TCF7L2: variants seen among roughly 807,000 people sequenced by gnomAD.
TCF7L2 encodes the protein transcription factor 7 like 2.
Under a neutral mutation model 77.9 loss-of-function variants are expected in TCF7L2, and 23 were observed. The ratio of observed to expected loss-of-function variants is 0.30; its 90% CI spans 0.21 to 0.42. TCF7L2 has a LOEUF of 0.42. TCF7L2 is among the 10% of genes least tolerant of loss of function. TCF7L2 has a pLI of 1.00. For missense variants in TCF7L2, 654 were observed against 793.1 expected (o/e 0.82, Z 2.11); for synonymous variants, 413 against 340.2 (o/e 1.21, Z -2.36).
chr10:113,014,527 G>A (rs1011094322), intron 4 of TCF7L2, among the ~76,000 whole-genome samples: 1 of 152,098 alleles, frequency 6.6e-6, no homozygotes, highest in Non-Finnish European at 1.5e-5. Flanking sequence ...GCGTGGTGGC[G>A]CATGCCTGTA....
intron 5 of TCF7L2, among the ~76,000 whole-genome samples, chr10:113,074,551 GGCACACTGCTGACGGCT>G (rs1412724315): frequency 6.6e-6 from 1 of 152,134 alleles, no homozygotes; most frequent in African/African-American, 2.4e-5. Context: ...GCGGGACCTT[GGCACACTGCTGACGGCT>G]GCACACTCAT....
At chr10:113,090,171 G>A (rs2060228691) in intron 5 of TCF7L2, among the ~76,000 whole-genome samples, 1 of 152,120 alleles carries the variant, frequency 6.6e-6, no homozygotes. Flanking sequence ...CAAATTAATA[G>A]TCCTGAAGAA....
intron 5 of TCF7L2, among the ~76,000 whole-genome samples, chr10:113,092,063 G>T (rs917196300): frequency 1.3e-5 from 2 of 152,186 alleles, no homozygotes; most frequent in African/African-American, 4.8e-5. Context: ...GTTGGCGGCA[G>T]GAGGTAGATA....
chr10:113,039,879 T>C (rs2134259009), intron 4 of TCF7L2, 146 bp from the exon 5 acceptor site: 1 of 672,546 alleles, frequency 1.5e-6, no homozygotes. Context: ...TGGAATTGCA[T>C]GCTTTTTTAT....
intron 4 of TCF7L2, among the ~76,000 whole-genome samples, chr10:112,997,807 A>T (rs1222447900): frequency 6.6e-6 from 1 of 152,108 alleles, no homozygotes; most frequent in Non-Finnish European, 1.5e-5. Flanking sequence ...ACCTAATTTC[A>T]TACTTTATGA....
At chr10:112,978,786 G>A (rs1177702795) in intron 4 of TCF7L2, among the ~76,000 whole-genome samples, 3 of 151,546 alleles carry the variant, frequency 2.0e-5, no homozygotes, top group African/African-American at 4.8e-5. Context: ...GCCAGATTTT[G>A]TGATTTTTAT....
At chr10:113,074,051 C>A (rs2058423613) in intron 5 of TCF7L2, among the ~76,000 whole-genome samples, 1 of 152,180 alleles carries the variant, frequency 6.6e-6, no homozygotes, top group Admixed American at 6.5e-5. Flanking sequence ...TAGCTGGTCA[C>A]CTCTGGGTGG....
intron 6 of TCF7L2, among the ~76,000 whole-genome samples, chr10:113,142,743 G>C (rs2068600496): frequency 6.6e-6 from 1 of 152,240 alleles, no homozygotes; most frequent in South Asian, 2.1e-4. Context: ...GTGAATGGCA[G>C]CGTCAACGTC....
At chr10:112,982,072 A>T (rs2040568565) in intron 4 of TCF7L2, among the ~76,000 whole-genome samples, 1 of 152,148 alleles carries the variant, frequency 6.6e-6, no homozygotes. Context: ...TGAACTTGTG[A>T]TCGATCTTCC....
intron 5 of TCF7L2, among the ~76,000 whole-genome samples, chr10:113,046,600 C>A (rs2053512778): frequency 2.0e-5 from 3 of 152,196 alleles, no homozygotes; most frequent in Non-Finnish European, 1.5e-5. Flanking sequence ...CAAGTCTTCT[C>A]TTCAAAATGA....
At chr10:112,952,322 T>C (rs1169315332) in intron 3 of TCF7L2, among the ~76,000 whole-genome samples, 1 of 152,110 alleles carries the variant, frequency 6.6e-6, no homozygotes, top group East Asian at 1.9e-4. Context: ...CACCGCAAAC[T>C]TGGGGGCTCT....
At chr10:112,997,282 G>C (rs916106003) in intron 4 of TCF7L2, among the ~76,000 whole-genome samples, 1 of 152,228 alleles carries the variant, frequency 6.6e-6, no homozygotes, top group Non-Finnish European at 1.5e-5. Context: ...AGGGACATCA[G>C]CATTTTAAAA....
At chr10:112,961,910 TGAGA>T (rs10593073) in intron 3 of TCF7L2, among the ~76,000 whole-genome samples, 1 of 148,384 alleles carries the variant, frequency 6.7e-6, no homozygotes, top group Non-Finnish European at 1.5e-5. Flanking sequence ...TGTGTGTGTG[TGAGA>T]GAGAGAGAGA....
At chr10:113,107,752 T>TAAAAAAAAAAAAAAAAAAAAAAAAA (rs398014821) in intron 5 of TCF7L2, among the ~76,000 whole-genome samples, 1 of 55,250 alleles carries the variant, frequency 1.8e-5, no homozygotes, top group Non-Finnish European at 3.4e-5. Context: ...AGACTCCGTC[T>TAAAAAAAAAAAAAAAAAAAAAAAAA]AAAAAAAAAA....
chr10:112,996,336 G>T (rs1218691250), intron 4 of TCF7L2, among the ~76,000 whole-genome samples: 2 of 152,180 alleles, frequency 1.3e-5, no homozygotes, highest in Admixed American at 6.5e-5. Flanking sequence ...TGCTGCTTTC[G>T]GTGATGCCCG....
chr10:113,150,523 G>A (rs1345327936), intron 8 of TCF7L2, among the ~76,000 whole-genome samples: 1 of 152,140 alleles, frequency 6.6e-6, no homozygotes, highest in Non-Finnish European at 1.5e-5. Flanking sequence ...GCCTAATGAG[G>A]CTTGCACAGC....
chr10:112,979,687 C>T (rs574270653), intron 4 of TCF7L2, among the ~76,000 whole-genome samples: 10 of 151,560 alleles, frequency 6.6e-5, no homozygotes, highest in Non-Finnish European at 1.2e-4. Flanking sequence ...AACTGGGAGG[C>T]GGAGGTTGCA....
chr10:113,157,610 G>A lies in TCF7L2; in HGVS notation c.1270-411G>A, dbSNP rs546601809. ...GCAGGGCAGCCCTTGAAGCTGGTGC[G>A]GCCATGACCACCTTCATGTGCTCCT... On this transcript the variant is annotated intron_variant, in intron 11 of 13. Transcript: ENST00000627217. Among the ~76,000 whole-genome samples, 3 of 152,286 alleles carry A rather than the reference G, an allele frequency of 2.0e-5. No homozygotes were observed. In the East Asian group the frequency reaches 5.8e-4, roughly 29 times the overall value.
chr10:113,105,613 C>T (rs1413439105), intron 5 of TCF7L2, among the ~76,000 whole-genome samples: 3 of 152,136 alleles, frequency 2.0e-5, no homozygotes, highest in Non-Finnish European at 2.9e-5. Context: ...GGAGGTGCCC[C>T]GCACCTCACC....
Sources: allele counts gnomAD v4.1 joint callset (sites outside exome capture counted in the v4.1 genomes callset), GRCh38; gene constraint gnomAD v4.1.1; transcripts MANE v1.5; gene names NCBI Gene and HGNC (gene_info 2026-07-23, HGNC 2026-07-21).